Variants in CAMK2A observed in about 807,000 individuals in gnomAD.
CAMK2A encodes calcium/calmodulin dependent protein kinase II alpha.
CAMK2A carries 7 observed loss-of-function variants against 79.2 expected under a neutral mutation model. The observed-to-expected ratio is 0.09, with a 90% confidence interval of 0.05 to 0.17. The LOEUF is 0.17. Ranked by LOEUF, CAMK2A falls within the 10% of genes least tolerant of loss-of-function variation. The pLI, the probability that CAMK2A is intolerant of heterozygous loss-of-function variation, is 1.00. For synonymous variants in CAMK2A, 242 were observed against 251.7 expected, an observed-to-expected ratio of 0.96 and a Z score of 0.36; for missense variants, 214 against 646.4, an observed-to-expected ratio of 0.33 and a Z score of 7.25.
chr5:150,232,610 C>G (rs555311506), intron 15 of CAMK2A, among the ~76,000 whole-genome samples: 2 of 152,206 alleles, frequency 1.3e-5, no homozygotes, highest in Admixed American at 6.5e-5. Context: ...TTAAACCTGG[C>G]CAGCTCATTG....
chr5:150,237,778 C>A (rs534142130), intron 15 of CAMK2A, among the ~76,000 whole-genome samples: 2 of 152,214 alleles, frequency 1.3e-5, no homozygotes, highest in Non-Finnish European at 1.5e-5. Context: ...GTGCTGAGAC[C>A]GGGGCTAGCA....
In CAMK2A at chr5:150,256,481, C is replaced by T. The variant is rs576257557; in HGVS notation, c.411+92G>A. 3 of 839,444 alleles carry T rather than the reference C, an allele frequency of 3.6e-6. No individual in the cohort carries two copies. Among genetic ancestry groups the T allele is most frequent in the African/African-American group, 1.7e-5 (1 of 59,490 alleles). 52.0% of individuals were successfully genotyped at this position (839,444 alleles called of 1,614,324 possible). ...CCAGCCTAACACAGAGAAATTAAAGCGATTCTGATAATGTCCAGCTCTGCA... is the reference window on the plus strand; with the variant it reads ...CCAGCCTAACACAGAGAAATTAAAGTGATTCTGATAATGTCCAGCTCTGCA... On this transcript the variant is annotated intron_variant, in intron 6 of 18. Coordinates refer to ENST00000671881, the MANE Select transcript of CAMK2A (RefSeq NM_015981.4). This position sits in a 1 kb window ranked among gnomAD's most constrained non-coding sequence, Gnocchi z 4.6.
intron 14 of CAMK2A, among the ~76,000 whole-genome samples, chr5:150,238,949 G>A (rs1031920877): frequency 1.3e-5 from 2 of 152,184 alleles, no homozygotes; most frequent in African/African-American, 2.4e-5. Context: ...GGGGCCGGGT[G>A]GGGGAAAGGG....
At chr5:150,239,661 G>C (rs757304539) in intron 14 of CAMK2A, 43 bp downstream of exon 14, 7 of 1,602,644 alleles carry the variant, frequency 4.4e-6, no homozygotes, top group East Asian at 2.2e-5. Context: ...GCAAGGGTTC[G>C]AGGCCCAGCA....
At chr5:150,233,035 C>T (rs142452366) in intron 15 of CAMK2A, among the ~76,000 whole-genome samples, 69 of 152,296 alleles carry the variant, frequency 4.5e-4, no homozygotes, top group African/African-American at 1.6e-3. Flanking sequence ...TTGTTTTGCC[C>T]GAATGCTTTA....
chr5:150,270,252 A>G (rs542520495), intron 2 of CAMK2A, among the ~76,000 whole-genome samples: 1 of 152,350 alleles, frequency 6.6e-6, no homozygotes, highest in East Asian at 1.9e-4. Flanking sequence ...ATCCAACTTC[A>G]TGGGTGGAAC....
At chr5:150,250,935 A>C (rs1755805163) in intron 9 of CAMK2A, 125 bp from the exon 10 acceptor site, 2 of 1,119,020 alleles carry the variant, frequency 1.8e-6, no homozygotes, top group Non-Finnish European at 1.3e-6. Context: ...CATCCACACC[A>C]GGAGGAGTTG....
intron 11 of CAMK2A, among the ~76,000 whole-genome samples, chr5:150,248,817 G>A (rs1434424291): frequency 6.6e-6 from 1 of 151,982 alleles, no homozygotes; most frequent in Non-Finnish European, 1.5e-5. Flanking sequence ...TGTCTTTATA[G>A]CACCATGATT....
upstream of CAMK2A, chr5:150,289,957 C>T (rs1757595368): frequency 3.4e-6 from 1 of 297,650 alleles, no homozygotes; most frequent in South Asian, 6.1e-5. Context: ...ATACTGCAAG[C>T]CTGTGTGGGC....
intron 1 of CAMK2A, among the ~76,000 whole-genome samples, chr5:150,287,485 C>T (rs893960194): frequency 6.6e-6 from 1 of 152,204 alleles, no homozygotes; most frequent in Non-Finnish European, 1.5e-5. Context: ...GGCTCCCTTG[C>T]CCCTGAAATT....
At position 150,252,010 on chromosome 5, in the gene CAMK2A, G is replaced by A. The variant is rs377296803; in HGVS notation, c.570C>T (p.Tyr190=). ...AAGCCCACAGGTCCACAGGCTTCCCGTACGGGTCCTTCCGCAGCACTTCTG... is the reference window on the plus strand; with the variant it reads ...AAGCCCACAGGTCCACAGGCTTCCCATACGGGTCCTTCCGCAGCACTTCTG... ...LSPEVLRKDP[Y]GKPVDLWACG... The change falls in exon 8 of 19, where the codon TAC becomes TAT. Residue 190 remains tyrosine (Y), a synonymous_variant. Coordinates refer to ENST00000671881, the MANE Select transcript of CAMK2A (RefSeq NM_015981.4). 1.3e-4 allele frequency: 211 copies of A among 1,613,814 alleles called. No individual in the cohort carries two copies. Among genetic ancestry groups the A allele is most frequent in the Non-Finnish European group, 1.6e-4 (188 of 1,179,846 alleles).
rs562834086 is a variant in CAMK2A at position 150,222,521 on chromosome 5, C to T, written c.*189G>A. ...GGGGTGAGAGGTGGGGAGATGTGGC[C>T]GTTCGCTCTGAAGTTGCGATGACTT... is the stretch of plus-strand genomic sequence containing the variant. On this transcript the variant is annotated 3_prime_UTR_variant, in exon 19 of 19. Transcript: ENST00000671881. The T allele has an allele frequency of 6.1e-4, 440 of 723,088 alleles. 1 individual carries two copies. The highest frequency in any genetic ancestry group is 1.2e-3 in the Admixed American group (59 of 50,036). The allele number at this position is 723,088 out of a possible 1,614,324, so 44.8% of individuals were successfully genotyped here.
chr5:150,258,918 G>T (rs1756179674), intron 3 of CAMK2A, among the ~76,000 whole-genome samples: 1 of 151,734 alleles, frequency 6.6e-6, no homozygotes, highest in South Asian at 2.1e-4. Flanking sequence ...GGTGGCTCAC[G>T]CTTGTAATCC....
rs1484106445 is a variant in CAMK2A, at chr5:150,222,864, G to A, written c.1466+125C>T. ...CCTGCAGGCCTGGCCCCCTTCTTGG[G>A]GTCTCCCCACCCCACTCTGCAGCCT... On this transcript the variant is annotated intron_variant, in intron 18 of 18. Coordinates refer to ENST00000671881, the MANE Select transcript of CAMK2A (RefSeq NM_015981.4). 1.4e-5 allele frequency: 20 copies of A among 1,387,148 alleles called. No individual in the cohort carries two copies. The East Asian group carries it at 4.3e-4, about 30-fold the overall frequency. The allele number at this position is 1,387,148 out of a possible 1,614,324, so 85.9% of individuals were successfully genotyped here.
intron 1 of CAMK2A, among the ~76,000 whole-genome samples, chr5:150,285,548 G>A (rs555921658): frequency 6.6e-6 from 1 of 152,282 alleles, no homozygotes; most frequent in South Asian, 2.1e-4. Context: ...CAGGACCTCA[G>A]TACAGGGAGT....
At chr5:150,277,000 T>A (rs990032293) in intron 1 of CAMK2A, among the ~76,000 whole-genome samples, 3 of 151,982 alleles carry the variant, frequency 2.0e-5, no homozygotes, top group Admixed American at 2.0e-4. Context: ...GAGGCCAAGG[T>A]GGGAGAATCT....
chr5:150,269,789 T>C (rs1277735093), intron 2 of CAMK2A, among the ~76,000 whole-genome samples: 1 of 152,156 alleles, frequency 6.6e-6, no homozygotes, highest in Non-Finnish European at 1.5e-5. Context: ...AGCCTGATCC[T>C]GGGAGCAAGA....
intron 1 of CAMK2A, among the ~76,000 whole-genome samples, chr5:150,275,802 C>T (rs949550906): frequency 6.6e-6 from 1 of 151,140 alleles, no homozygotes; most frequent in African/African-American, 2.4e-5. Flanking sequence ...GTGTCACCTT[C>T]GGGGTATGTG....
At chr5:150,239,627 G>T in intron 14 of CAMK2A, 77 bp downstream of exon 14, 1 of 1,389,964 alleles carries the variant, frequency 7.2e-7, no homozygotes, top group Non-Finnish European at 1.0e-6. Flanking sequence ...GGTTCCCAGT[G>T]CAGCCTGCAG....
Sources: gnomAD v4.1 joint callset for allele counts (sites outside exome capture counted in the v4.1 genomes callset) on GRCh38, gnomAD v4.1.1 for gene constraint, Gnocchi (gnomAD v3.1) non-coding constraint, MANE v1.5 for transcripts, NCBI Gene and HGNC (gene_info 2026-07-23, HGNC 2026-07-21) for gene names.